PLA2G12B: variants seen among roughly 807,000 people sequenced by gnomAD.
PLA2G12B encodes group XIIB secretory phospholipase A2-like protein.
Under a neutral mutation model 22.3 loss-of-function variants are expected in PLA2G12B, and 19 were observed. The observed-to-expected ratio is 0.85, with a 90% CI of 0.60 to 1.25. The LOEUF (loss-of-function observed/expected upper bound fraction) is 1.25, where lower values mean the gene tolerates loss of function less well. PLA2G12B is among the 50% of genes most tolerant of loss of function. PLA2G12B has a pLI of 0.00. For synonymous variants in PLA2G12B, 81 were observed against 94.9 expected (o/e 0.85, Z 0.85); for missense variants, 191 against 246.6 (o/e 0.77, Z 1.51).
intron 3 of PLA2G12B, among the ~76,000 whole-genome samples, chr10:72,940,285 A>T (rs1846339104): frequency 1.3e-5 from 2 of 152,200 alleles, no homozygotes; most frequent in Admixed American, 6.5e-5. Context: ...TAAAAATAGA[A>T]AATGCTAATT....
chr10:72,940,636 C>T (rs1846345441), intron 3 of PLA2G12B, among the ~76,000 whole-genome samples: 1 of 152,074 alleles, frequency 6.6e-6, no homozygotes, highest in Non-Finnish European at 1.5e-5. Flanking sequence ...CCCACCACTA[C>T]ACTCCAGCCT....
intron 1 of PLA2G12B, among the ~76,000 whole-genome samples, chr10:72,943,677 A>T (rs1305447675): frequency 6.6e-6 from 1 of 152,216 alleles, no homozygotes; most frequent in African/African-American, 2.4e-5. Flanking sequence ...ACAGGTAAAG[A>T]TAACCTTGAC....
intron 3 of PLA2G12B, among the ~76,000 whole-genome samples, chr10:72,938,679 A>G (rs953838707): frequency 6.6e-6 from 1 of 152,242 alleles, no homozygotes; most frequent in Non-Finnish European, 1.5e-5. Context: ...AATAAATTAA[A>G]GAAGACCTAA....
intron 3 of PLA2G12B, among the ~76,000 whole-genome samples, chr10:72,937,539 A>T (rs996623655): frequency 2.0e-5 from 3 of 152,196 alleles, no homozygotes; most frequent in Admixed American, 6.5e-5. Flanking sequence ...TGCCCAATTC[A>T]TTTTATGAGG....
chr10:72,952,768 T>A (rs1273522311), intron 1 of PLA2G12B, among the ~76,000 whole-genome samples: 1 of 152,166 alleles, frequency 6.6e-6, no homozygotes, highest in Non-Finnish European at 1.5e-5. Flanking sequence ...TTACACAAAG[T>A]GAGAAGAGTT....
Position 72,942,732 on chromosome 10 carries a change from G to T in PLA2G12B, c.220C>A (p.Pro74Thr). The T allele has an allele frequency of 2.5e-6, 4 of 1,599,764 alleles. No individual in the cohort carries two copies. Among genetic ancestry groups the T allele is most frequent in the South Asian group, 2.3e-5 (2 of 88,322 alleles). Residue 74 changes from proline (P) to threonine (T), a missense_variant, in exon 2 of 4, where the codon CCA (proline) becomes ACA (threonine). Physicochemically the swap from Pro to Thr is conservative, Grantham distance 38. Coordinates refer to ENST00000373032, the MANE Select transcript of PLA2G12B (RefSeq NM_032562.5). ...GGCTTGTAGCCAGGTCTGGGCATTG[G>T]TGCCTTTCCTTGCAGGAGGAAGAAA... The part of the protein sequence containing the change: ...CQYRCRYGKA[P>T]MPRPGYKPQE...
In PLA2G12B at chr10:72,954,640, C is replaced by A. The variant is rs2132985797; in HGVS notation, c.46G>T (p.Gly16Cys). 6.2e-7 allele frequency: 1 copy of A among 1,614,104 alleles called. No individual in the cohort carries two copies. Among genetic ancestry groups the A allele is most frequent in the African/African-American group, 1.3e-5 (1 of 75,038 alleles). Residue 16 changes from glycine (G) to cysteine (C), a missense_variant, in exon 1 of 4, where the codon GGT becomes TGT. Transcript: ENST00000373032. The part of the protein sequence containing the change: ...GFLVLWLSLG[G>C]GLAQSDTSPD... ...CTCGTGTCGCTCTGAGCCAGGCCACCCCCAAGGCTGAGCCACAAAACCAAG... is the reference window on the plus strand; with the variant it reads ...CTCGTGTCGCTCTGAGCCAGGCCACACCCAAGGCTGAGCCACAAAACCAAG...
At position 72,954,723 on chromosome 10, in the gene PLA2G12B, C is replaced by G. The variant is rs781074845; in HGVS notation, c.-38G>C. 4.4e-6 allele frequency: 7 copies of G among 1,604,114 alleles called. No individual in the cohort carries two copies. Among genetic ancestry groups the G allele is most frequent in the Admixed American group, 1.7e-5 (1 of 59,612 alleles). On this transcript the variant is annotated 5_prime_UTR_variant, in exon 1 of 4. Transcript: ENST00000373032. ...TAGGTACTGGCTTCTCTCCTCAAACCCCAGCCAGTGTCCCAGAATTCCAGG... is the reference window on the plus strand; with the variant it reads ...TAGGTACTGGCTTCTCTCCTCAAACGCCAGCCAGTGTCCCAGAATTCCAGG...
intron 1 of PLA2G12B, 27 bp from the exon 2 acceptor site, chr10:72,942,767 C>G (rs1224230174): frequency 6.6e-7 from 1 of 1,523,126 alleles, no homozygotes; most frequent in African/African-American, 1.4e-5. Flanking sequence ...AGGAAAGAAG[C>G]AAGAAGAAAT....
chr10:72,935,757 G>A lies in PLA2G12B; in HGVS notation c.467-19C>T. On this transcript the variant is annotated intron_variant, in intron 3 of 3. Transcript: ENST00000373032. ...CAGGCTGCTTGAAAAAGATGAAGAG[G>A]GACAGAAAGGTTAACCCTGAGTAAT... 1 of 1,612,188 alleles carries A rather than the reference G, an allele frequency of 6.2e-7. No homozygotes were observed. The highest frequency in any genetic ancestry group is 1.7e-4 in the Middle Eastern group (1 of 6,060).
rs1192687614 is a variant in PLA2G12B at position 72,941,164 on chromosome 10, C to T, written c.466+5G>A. 13 of 1,613,596 alleles carry T rather than the reference C, an allele frequency of 8.1e-6. No individual in the cohort carries two copies. Among genetic ancestry groups the T allele is most frequent in the Admixed American group, 1.7e-5 (1 of 59,986 alleles). Reference sequence around the variant, plus strand: ...GTGCACTGTACGTGCCATTGAGACACCTACCTTCCACTTTGGAGACAAAGC... The same window carrying T: ...GTGCACTGTACGTGCCATTGAGACATCTACCTTCCACTTTGGAGACAAAGC... On this transcript the variant is annotated splice_donor_5th_base_variant and intron_variant, in intron 3 of 3. Transcript: ENST00000373032.
chr10:72,937,815 T>C (rs529890697), intron 3 of PLA2G12B, among the ~76,000 whole-genome samples: 2 of 152,276 alleles, frequency 1.3e-5, no homozygotes, highest in South Asian at 4.1e-4. Context: ...AAAAAGCATT[T>C]GAAAACATCC....
rs1448625902 is a variant in PLA2G12B, at chr10:72,953,147, G to A, written c.211+1328C>T. Among the ~76,000 whole-genome samples, 3 of 152,240 alleles carry A rather than the reference G, an allele frequency of 2.0e-5. No individual in the cohort carries two copies. In the East Asian group the frequency reaches 5.8e-4, roughly 29 times the overall value. ...AAATACATGGTTTTAGGGCCAGGTG[G>A]GTCCTAACAGACCAGGCATTTTTCT... On this transcript the variant is annotated intron_variant, in intron 1 of 3. Coordinates refer to ENST00000373032, the MANE Select transcript of PLA2G12B (RefSeq NM_032562.5).
chr10:72,949,437 G>T (rs1846491574), intron 1 of PLA2G12B, among the ~76,000 whole-genome samples: 1 of 151,804 alleles, frequency 6.6e-6, no homozygotes, highest in African/African-American at 2.4e-5. Context: ...TCCATTCTTT[G>T]CTCATTTTTC....
intron 1 of PLA2G12B, among the ~76,000 whole-genome samples, chr10:72,952,362 C>T (rs576425148): frequency 3.9e-5 from 6 of 152,292 alleles, no homozygotes; most frequent in Admixed American, 6.5e-5. Context: ...GGCATGGTGG[C>T]GCACACCTGT....
chr10:72,953,443 T>C (rs182841385), intron 1 of PLA2G12B, among the ~76,000 whole-genome samples: 16 of 152,316 alleles, frequency 1.1e-4, no homozygotes, highest in Non-Finnish European at 2.2e-4. Flanking sequence ...GTTGAGTATT[T>C]GGAGAAAATA....
Position 72,942,751 on chromosome 10 carries a change from G to A in PLA2G12B, c.212-11C>T. ...GCATTGGTGCCTTTCCTTGCAGGAG[G>A]AAGAAAGGAAAGAAGCAAGAAGAAA... On this transcript the variant is annotated splice_polypyrimidine_tract_variant and intron_variant, in intron 1 of 3. Transcript: ENST00000373032. 1 of 1,572,670 alleles carries A rather than the reference G, an allele frequency of 6.4e-7. No individual in the cohort carries two copies. The highest frequency in any genetic ancestry group is 8.7e-7 in the Non-Finnish European group (1 of 1,153,874).
chr10:72,938,801 G>C (rs1239855784), intron 3 of PLA2G12B, among the ~76,000 whole-genome samples: 1 of 152,146 alleles, frequency 6.6e-6, no homozygotes, highest in African/African-American at 2.4e-5. Flanking sequence ...CCATTCCTTG[G>C]AGAAATTGAC....
chr10:72,945,668 G>C (rs542294392), intron 1 of PLA2G12B, among the ~76,000 whole-genome samples: 1 of 149,072 alleles, frequency 6.7e-6, no homozygotes, highest in East Asian at 2.0e-4. Context: ...TTTTTTTTCA[G>C]ATGGAATCTC....
Sources: allele counts gnomAD v4.1 joint callset (sites outside exome capture counted in the v4.1 genomes callset), GRCh38; gene constraint gnomAD v4.1.1; transcripts MANE v1.5; gene names NCBI Gene and HGNC (gene_info 2026-07-23, HGNC 2026-07-21).